DNM3: variants seen among roughly 807,000 people sequenced by gnomAD.
DNM3 encodes dynamin-3.
In DNM3, 47 loss-of-function variants were observed where a neutral mutation model predicts 101.6. The observed-to-expected ratio is 0.46, with a 90% CI of 0.37 to 0.59. The LOEUF is 0.59. Ranked by LOEUF, DNM3 falls within the 20% of genes least tolerant of loss-of-function variation. The pLI is 0.00. For synonymous variants in DNM3, 385 were observed against 387.9 expected, an observed-to-expected ratio of 0.99 and a Z score of 0.09; for missense variants, 849 against 1,085.7, an observed-to-expected ratio of 0.78 and a Z score of 3.06.
At chr1:171,863,141 C>T (rs923625008) in intron 1 of DNM3, among the ~76,000 whole-genome samples, 4 of 150,888 alleles carry the variant, frequency 2.7e-5, no homozygotes, top group African/African-American at 9.8e-5. Context: ...TAGGAATGAC[C>T]CAGAAGTAAG....
intron 15 of DNM3, among the ~76,000 whole-genome samples, chr1:172,299,784 T>G (rs184925952): frequency 1.3e-5 from 2 of 152,336 alleles, no homozygotes; most frequent in African/African-American, 4.8e-5. Context: ...CAGTCCACTA[T>G]TAACAGACAC....
chr1:172,301,022 A>G (rs2064422168), intron 15 of DNM3, among the ~76,000 whole-genome samples: 2 of 152,232 alleles, frequency 1.3e-5, no homozygotes, highest in Admixed American at 1.3e-4. Context: ...GAAGGTCTAG[A>G]CAGGAGATAT....
chr1:172,207,872 G>A (rs1468293718), intron 14 of DNM3, among the ~76,000 whole-genome samples: 1 of 151,932 alleles, frequency 6.6e-6, no homozygotes, highest in Non-Finnish European at 1.5e-5. Flanking sequence ...TCTCAGCATT[G>A]ATTTTTCAAC....
At chr1:172,140,223 A>T (rs1438093512) in intron 14 of DNM3, 1 of 152,078 alleles carries the variant, frequency 6.6e-6, no homozygotes, top group Non-Finnish European at 1.5e-5. Flanking sequence ...TAATGTTTTA[A>T]CAAAAGCTAA....
intron 14 of DNM3, among the ~76,000 whole-genome samples, chr1:172,211,349 A>C (rs16844080): frequency 0.065 from 9,860 of 152,058 alleles, 461 homozygotes; most frequent in East Asian, 0.16. Context: ...TCCTTCTACA[A>C]TTTTTTAAGG....
At chr1:171,899,974 C>G (rs973408947) in intron 1 of DNM3, among the ~76,000 whole-genome samples, 7 of 152,080 alleles carry the variant, frequency 4.6e-5, no homozygotes, top group African/African-American at 1.7e-4. Context: ...TGTGCAAAGG[C>G]AAGGATGCAA....
chr1:171,968,473 T>A (rs1453566849), intron 2 of DNM3, among the ~76,000 whole-genome samples: 1 of 152,186 alleles, frequency 6.6e-6, no homozygotes, highest in Non-Finnish European at 1.5e-5. Flanking sequence ...AAGGCTGGGT[T>A]GTTTCAAGGT....
At chr1:171,955,813 TG>T (rs1020137663) in intron 2 of DNM3, among the ~76,000 whole-genome samples, 4 of 152,166 alleles carry the variant, frequency 2.6e-5, no homozygotes, top group African/African-American at 9.7e-5. Flanking sequence ...AGAGGTTTAA[TG>T]GACTCATAGT....
chr1:172,253,489 T>TCTCTCCTCTCCTCTC (rs139551857), intron 14 of DNM3, 84 bp from the exon 15 acceptor site: 521 of 593,768 alleles, frequency 8.8e-4, no homozygotes, highest in Non-Finnish European at 1.1e-3. Context: ...CAATTTTCTG[T>TCTCTCCTCTCCTCTC]CTCTCCTCTC....
chr1:172,014,276 T>C (rs2047306992), intron 4 of DNM3, among the ~76,000 whole-genome samples: 1 of 152,162 alleles, frequency 6.6e-6, no homozygotes, highest in Non-Finnish European at 1.5e-5. Context: ...AACTCAGGAA[T>C]GTAGACATAA....
intron 1 of DNM3, among the ~76,000 whole-genome samples, chr1:171,915,981 C>T (rs2039678472): frequency 6.6e-6 from 1 of 152,212 alleles, no homozygotes; most frequent in South Asian, 2.1e-4. Context: ...CTCTGTTGCT[C>T]ACTGTCAAAT....
At chr1:172,040,278 A>G (rs373941522) in intron 7 of DNM3, among the ~76,000 whole-genome samples, 4 of 152,288 alleles carry the variant, frequency 2.6e-5, no homozygotes, top group Middle Eastern at 3.4e-3. Context: ...ACATAACTAA[A>G]TCCAATTACA....
chr1:172,045,177 G>T (rs1192573450), intron 9 of DNM3, among the ~76,000 whole-genome samples: 1 of 151,394 alleles, frequency 6.6e-6, no homozygotes, highest in African/African-American at 2.4e-5. Context: ...GGGGTTGGGG[G>T]TGGGGTAGAA....
At chr1:171,938,210 G>C (rs2041579628) in intron 2 of DNM3, among the ~76,000 whole-genome samples, 1 of 152,092 alleles carries the variant, frequency 6.6e-6, no homozygotes, top group South Asian at 2.1e-4. Context: ...ACCCCTGGCT[G>C]TGGTGTTTCA....
chr1:172,163,250 T>TG (rs961518792), intron 14 of DNM3, among the ~76,000 whole-genome samples: 1 of 150,512 alleles, frequency 6.6e-6, no homozygotes, highest in Non-Finnish European at 1.5e-5. Flanking sequence ...TTTGTTTTTT[T>TG]TTTTTTTTGA....
At chr1:172,216,197 A>G (rs1003866423) in intron 14 of DNM3, among the ~76,000 whole-genome samples, 2 of 152,078 alleles carry the variant, frequency 1.3e-5, no homozygotes, top group African/African-American at 4.8e-5. Flanking sequence ...CTATTGGGAA[A>G]TCATATTCAG....
At chr1:172,031,154 A>T (rs1482985080) in intron 4 of DNM3, among the ~76,000 whole-genome samples, 1 of 152,176 alleles carries the variant, frequency 6.6e-6, no homozygotes, top group African/African-American at 2.4e-5. Context: ...AACCAACCCA[A>T]ATGGCCATCA....
chr1:172,073,945 C>T (rs1347002534), intron 11 of DNM3, among the ~76,000 whole-genome samples: 1 of 152,082 alleles, frequency 6.6e-6, no homozygotes, highest in Non-Finnish European at 1.5e-5. Flanking sequence ...TCCTCGTCTC[C>T]CCATTGAATA....
At chr1:171,862,088 G>A (rs1349536363) in intron 1 of DNM3, among the ~76,000 whole-genome samples, 1 of 152,138 alleles carries the variant, frequency 6.6e-6, no homozygotes, top group African/African-American at 2.4e-5. Flanking sequence ...ACAACTGCTG[G>A]TGAGGATGTG....
Sources: gnomAD v4.1 joint callset for allele counts (sites outside exome capture counted in the v4.1 genomes callset) on GRCh38, gnomAD v4.1.1 for gene constraint, MANE v1.5 for transcripts, NCBI Gene and HGNC (gene_info 2026-07-23, HGNC 2026-07-21) for gene names.